ARGLU1: variants seen among roughly 807,000 people sequenced by gnomAD.
ARGLU1 encodes arginine and glutamate-rich protein 1.
ARGLU1 carries 9 observed loss-of-function variants against 37.6 expected under a neutral mutation model. The ratio of observed to expected loss-of-function variants is 0.24; its 90% CI spans 0.14 to 0.42. ARGLU1 has a LOEUF of 0.42. Ranked by LOEUF, ARGLU1 falls within the 10% of genes least tolerant of loss-of-function variation. ARGLU1 has a pLI of 1.00. For synonymous variants in ARGLU1, 166 were observed against 138.5 expected, an observed-to-expected ratio of 1.20 and a Z score of -1.39; for missense variants, 211 against 359.2, an observed-to-expected ratio of 0.59 and a Z score of 3.34.
At chr13:106,549,927 G>C (rs2138966019) in intron 3 of ARGLU1, among the ~76,000 whole-genome samples, 1 of 152,270 alleles carries the variant, frequency 6.6e-6, no homozygotes, top group East Asian at 1.9e-4. Flanking sequence ...AGGAAAATCA[G>C]ATGCCTTTGG....
intron 1 of ARGLU1, among the ~76,000 whole-genome samples, chr13:106,561,162 A>G (rs1880789344): frequency 6.6e-6 from 1 of 152,206 alleles, no homozygotes; most frequent in Non-Finnish European, 1.5e-5. Context: ...CTTTATCTAC[A>G]GCAGCTCAGT....
chr13:106,555,366 A>C (rs1299989393), intron 3 of ARGLU1, among the ~76,000 whole-genome samples: 1 of 152,090 alleles, frequency 6.6e-6, no homozygotes, highest in Non-Finnish European at 1.5e-5. Flanking sequence ...CGTCTCAAAA[A>C]CAAAACAAAG....
At chr13:106,547,635 C>T (rs776994537) in intron 3 of ARGLU1, among the ~76,000 whole-genome samples, 1 of 152,150 alleles carries the variant, frequency 6.6e-6, no homozygotes, top group Admixed American at 6.5e-5. Context: ...TGTGTACATG[C>T]TACTTTTGTG....
intron 1 of ARGLU1, among the ~76,000 whole-genome samples, chr13:106,564,519 A>G (rs962390988): frequency 1.3e-5 from 2 of 152,172 alleles, no homozygotes; most frequent in Admixed American, 1.3e-4. Flanking sequence ...TTTCCATCTA[A>G]CTAGATTTCT....
rs1880452501 is a variant in ARGLU1 at position 106,548,527 on chromosome 13, G to A, written c.658-4367C>T. On this transcript the variant is annotated intron_variant, in intron 3 of 3. Transcript: ENST00000400198. ...CAAGGATTACGTAGTGGACAGCTTG[G>A]AGGCCAAGGAGAAAGCTAACATCCA... Among the ~76,000 whole-genome samples, 3 of 152,198 alleles carry A rather than the reference G, an allele frequency of 2.0e-5. No individual in the cohort carries two copies. The South Asian group carries it at 6.2e-4, about 32-fold the overall frequency.
At chr13:106,561,167 C>T (rs1880789520) in intron 1 of ARGLU1, among the ~76,000 whole-genome samples, 1 of 152,118 alleles carries the variant, frequency 6.6e-6, no homozygotes, top group South Asian at 2.1e-4. Flanking sequence ...TCTACAGCAG[C>T]TCAGTGAGAG....
intron 3 of ARGLU1, among the ~76,000 whole-genome samples, chr13:106,550,419 TAACA>T (rs745628487): frequency 2.0e-5 from 3 of 152,198 alleles, no homozygotes; most frequent in African/African-American, 7.2e-5. Context: ...CTTTTTATCT[TAACA>T]ATCAGGAAAA....
chr13:106,558,070 T>C (rs1295710701), intron 2 of ARGLU1: 1 of 985,242 alleles, frequency 1.0e-6, no homozygotes, highest in Non-Finnish European at 1.2e-6. Flanking sequence ...ACAGCATACA[T>C]ATTCAAATGA....
chr13:106,564,385 G>A (rs768613594), intron 1 of ARGLU1, among the ~76,000 whole-genome samples: 1 of 152,026 alleles, frequency 6.6e-6, no homozygotes, highest in African/African-American at 2.4e-5. Context: ...TTAAAAACAA[G>A]GTTAGAGGGA....
chr13:106,558,673 C>A (rs1880719028), intron 2 of ARGLU1: 1 of 985,328 alleles, frequency 1.0e-6, no homozygotes, highest in African/African-American at 1.7e-5. Flanking sequence ...AAGACATTTT[C>A]AACTTCTGCT....
In ARGLU1 at chr13:106,557,968, T is replaced by C; in HGVS notation, c.574-837A>G. 1.0e-6 allele frequency: 1 copy of C among 985,412 alleles called. No individual in the cohort carries two copies. The highest frequency in any genetic ancestry group is 1.2e-6 in the Non-Finnish European group (1 of 829,920). The allele number at this position is 985,412 out of a possible 1,614,324, so 61.0% of individuals were successfully genotyped here. The stretch of plus-strand genomic sequence containing the variant: ...GGGGATGCATGGTCAGGAAATAAAA[T>C]TCTTCAACTTATTTTTTCTTGGAGA... On this transcript the variant is annotated intron_variant, in intron 2 of 3. Coordinates refer to ENST00000400198, the MANE Select transcript of ARGLU1 (RefSeq NM_018011.4). The surrounding 1 kb of genome is among the most constrained non-coding windows in gnomAD (Gnocchi z 5.0).
rs1194189414 is a variant in ARGLU1 at position 106,557,091 on chromosome 13, A to G, written c.614T>C (p.Leu205Pro). 1 of 1,614,086 alleles carries G rather than the reference A, an allele frequency of 6.2e-7. No individual in the cohort carries two copies. Among genetic ancestry groups the G allele is most frequent in the South Asian group, 1.1e-5 (1 of 91,082 alleles). Residue 205 changes from leucine (L) to proline (P), a missense_variant, in exon 3 of 4, where the codon CTG becomes CCG. By Grantham distance (98) the Leu-to-Pro change is moderately conservative. Transcript: ENST00000400198. The surrounding 1 kb of genome is among the most constrained non-coding windows in gnomAD (Gnocchi z 5.0). Reference sequence around the variant, plus strand: ...TGCAATTTTTCGGTTATTCTCTTCCAGTATTCGCTCTAGCTCCTCACGTTT... The same window carrying G: ...TGCAATTTTTCGGTTATTCTCTTCCGGTATTCGCTCTAGCTCCTCACGTTT... ...RAKREELERILEENNRKIAEA... is the reference protein window; with the variant it reads ...RAKREELERIPEENNRKIAEA...
intron 2 of ARGLU1, chr13:106,558,943 A>G (rs2138972788): frequency 1.0e-6 from 1 of 985,452 alleles, no homozygotes; most frequent in East Asian, 1.1e-4. Context: ...AAGGAAAAAA[A>G]GAAGAGTGAG....
chr13:106,548,512 G>A (rs1374497256), intron 3 of ARGLU1, among the ~76,000 whole-genome samples: 5 of 152,092 alleles, frequency 3.3e-5, no homozygotes, highest in Non-Finnish European at 5.9e-5. Flanking sequence ...CAAGGATTAC[G>A]TAGTGGACAG....
chr13:106,551,365 C>T (rs572657447), intron 3 of ARGLU1, among the ~76,000 whole-genome samples: 99 of 152,258 alleles, frequency 6.5e-4, no homozygotes, highest in African/African-American at 2.3e-3. Context: ...AACTGTAGGA[C>T]ACAATTCAGC....
chr13:106,544,171 A>G lies in ARGLU1; in HGVS notation c.658-11T>C, dbSNP rs777481840. On this transcript the variant is annotated splice_polypyrimidine_tract_variant and intron_variant, in intron 3 of 3. Coordinates refer to ENST00000400198, the MANE Select transcript of ARGLU1 (RefSeq NM_018011.4). Reference sequence around the variant, plus strand: ...CAACTGTTCTTCGGCCTGAAAGTTAAAAGTAAAAATTAATTATAGAAATGT... The same window carrying G: ...CAACTGTTCTTCGGCCTGAAAGTTAGAAGTAAAAATTAATTATAGAAATGT... 6.5e-7 allele frequency: 1 copy of G among 1,538,298 alleles called. No individual in the cohort carries two copies. The highest frequency in any genetic ancestry group is 1.3e-5 in the South Asian group (1 of 78,104).
intron 3 of ARGLU1, among the ~76,000 whole-genome samples, chr13:106,553,888 T>C (rs1880593686): frequency 6.6e-6 from 1 of 152,220 alleles, no homozygotes; most frequent in African/African-American, 2.4e-5. Context: ...ACAAACTTCT[T>C]AGCATACATA....
At chr13:106,549,077 A>T (rs1379492623) in intron 3 of ARGLU1, among the ~76,000 whole-genome samples, 1 of 152,158 alleles carries the variant, frequency 6.6e-6, no homozygotes, top group African/African-American at 2.4e-5. Flanking sequence ...TACCCAGAGG[A>T]TCTACTGATT....
At chr13:106,546,565 C>A (rs1880395761) in intron 3 of ARGLU1, among the ~76,000 whole-genome samples, 1 of 152,110 alleles carries the variant, frequency 6.6e-6, no homozygotes, top group East Asian at 1.9e-4. Flanking sequence ...AATTCATATG[C>A]CAATCACTTT....
Sources: gnomAD v4.1 joint callset for allele counts (sites outside exome capture counted in the v4.1 genomes callset) on GRCh38, gnomAD v4.1.1 for gene constraint, Gnocchi (gnomAD v3.1) non-coding constraint, MANE v1.5 for transcripts, NCBI Gene and HGNC (gene_info 2026-07-23, HGNC 2026-07-21) for gene names.